Variants in PDE1A observed in about 807,000 individuals in gnomAD.
The protein encoded by PDE1A is dual specificity calcium/calmodulin-dependent 3',5'-cyclic nucleotide phosphodiesterase 1A.
Under a neutral mutation model 61.7 loss-of-function variants are expected in PDE1A, and 35 were observed. The ratio of observed to expected loss-of-function variants is 0.57; its 90% CI spans 0.43 to 0.75. PDE1A has a LOEUF of 0.75. Ranked by LOEUF, PDE1A falls within the 30% of genes least tolerant of loss-of-function variation. PDE1A has a pLI of 0.00. For missense variants in PDE1A, 597 were observed against 630.6 expected, an observed-to-expected ratio of 0.95 and a Z score of 0.57; for synonymous variants, 232 against 213.2, an observed-to-expected ratio of 1.09 and a Z score of -0.77.
At chr2:182,499,548 G>C (rs965882149) in intron 2 of PDE1A, among the ~76,000 whole-genome samples, 1 of 152,054 alleles carries the variant, frequency 6.6e-6, no homozygotes, top group Non-Finnish European at 1.5e-5. Context: ...CGAAATTCCC[G>C]AACAGCAGAA....
intron 2 of PDE1A, among the ~76,000 whole-genome samples, chr2:182,512,891 GA>G (rs1689894956): frequency 6.6e-6 from 1 of 152,060 alleles, no homozygotes; most frequent in East Asian, 1.9e-4. Flanking sequence ...AACTCAGTGA[GA>G]CAAAAATAAT....
At chr2:182,512,327 A>G (rs1689854056) in intron 2 of PDE1A, among the ~76,000 whole-genome samples, 1 of 152,170 alleles carries the variant, frequency 6.6e-6, no homozygotes, top group African/African-American at 2.4e-5. Context: ...CATGCAGCCC[A>G]GGAGTGCTGA....
At chr2:182,394,611 G>C (rs757222279) in intron 1 of PDE1A, among the ~76,000 whole-genome samples, 17 of 152,112 alleles carry the variant, frequency 1.1e-4, no homozygotes, top group Non-Finnish European at 2.1e-4. Flanking sequence ...CATCAATATT[G>C]GTCCTCCAGT....
At chr2:182,605,553 G>A in the PDE1A span, among the ~76,000 whole-genome samples, 23 of 152,174 alleles carry the variant, frequency 1.5e-4, no homozygotes, top group South Asian at 8.3e-4. Flanking sequence ...CGTGAAATAC[G>A]GGTAAGAAAT....
At chr2:182,597,499 G>A in the PDE1A span, among the ~76,000 whole-genome samples, 1 of 152,298 alleles carries the variant, frequency 6.6e-6, no homozygotes, top group African/African-American at 2.4e-5. Context: ...CCAGGACAGG[G>A]CATGAGAGCT....
intron 2 of PDE1A, among the ~76,000 whole-genome samples, chr2:182,495,447 C>A (rs1688655534): frequency 6.6e-6 from 1 of 152,186 alleles, no homozygotes; most frequent in East Asian, 1.9e-4. Context: ...TTCAGTGCTT[C>A]AGCCAGGGCT....
At chr2:182,474,131 A>C (rs1291117548) in intron 2 of PDE1A, among the ~76,000 whole-genome samples, 1 of 151,956 alleles carries the variant, frequency 6.6e-6, no homozygotes, top group Non-Finnish European at 1.5e-5. Flanking sequence ...CTTTAAATTC[A>C]ATATAAACAT....
At chr2:182,355,548 C>T (rs1699128631) in intron 1 of PDE1A, among the ~76,000 whole-genome samples, 1 of 151,964 alleles carries the variant, frequency 6.6e-6, no homozygotes, top group East Asian at 1.9e-4. Context: ...GATTTTATCT[C>T]TATATGTTTT....
the PDE1A span, among the ~76,000 whole-genome samples, chr2:182,699,319 T>C: frequency 6.6e-6 from 1 of 152,146 alleles, no homozygotes; most frequent in Non-Finnish European, 1.5e-5. Flanking sequence ...AGCTGATTGT[T>C]TGAGGTTCAC....
the PDE1A span, among the ~76,000 whole-genome samples, chr2:182,704,264 C>G: frequency 6.6e-6 from 1 of 150,728 alleles, no homozygotes; most frequent in Non-Finnish European, 1.5e-5. Flanking sequence ...GCTCCCTGTT[C>G]CTACTCATAG....
intron 1 of PDE1A, among the ~76,000 whole-genome samples, chr2:182,264,838 T>C (rs942841392): frequency 3.5e-5 from 5 of 142,096 alleles, no homozygotes; most frequent in African/African-American, 1.1e-4. Context: ...TAAGTGCCCA[T>C]TGACCAATGA....
chr2:182,465,343 T>C lies in PDE1A; in HGVS notation c.101+56933A>G, dbSNP rs184402322. 4.8e-4 allele frequency among the ~76,000 whole-genome samples: 73 copies of C among 152,214 alleles called. No homozygotes were observed. In the East Asian group the frequency reaches 5.2e-3, roughly 11 times the overall value. ...CTTTCCAAACATGCATACAAAAGAA[T>C]TGGAATTTGAGAACCTCTGCTTACT... is the stretch of plus-strand genomic sequence containing the variant. On this transcript the variant is annotated intron_variant, in intron 2 of 14. Coordinates refer to the PDE1A transcript ENST00000410103.
At chr2:182,658,066 A>AAAAAAAC in the PDE1A span, among the ~76,000 whole-genome samples, 1 of 106,362 alleles carries the variant, frequency 9.4e-6, no homozygotes, top group Non-Finnish European at 2.1e-5. Flanking sequence ...AAAAAAAAAA[A>AAAAAAAC]AAAAAACAAA....
At chr2:182,562,733 G>A in the PDE1A span, among the ~76,000 whole-genome samples, 1 of 152,014 alleles carries the variant, frequency 6.6e-6, no homozygotes, top group Non-Finnish European at 1.5e-5. Context: ...CAATTTCAGA[G>A]CCTGTTATTG....
At chr2:182,716,271 G>T in the PDE1A span, 2 of 152,414 alleles carry the variant, frequency 1.3e-5, no homozygotes, top group Non-Finnish European at 2.9e-5. Context: ...GCTCGCCGTG[G>T]AGACCGGCGC....
intron 1 of PDE1A, among the ~76,000 whole-genome samples, chr2:182,379,143 GT>G (rs921212248): frequency 4.3e-4 from 65 of 152,154 alleles, no homozygotes; most frequent in Admixed American, 1.5e-3. Flanking sequence ...AACAACTTCC[GT>G]TTTTTCAACA....
intron 13 of PDE1A, among the ~76,000 whole-genome samples, chr2:182,182,669 T>G (rs914527061): frequency 6.6e-6 from 1 of 152,072 alleles, no homozygotes; most frequent in Non-Finnish European, 1.5e-5. Context: ...ACTCATCACA[T>G]TGCCTACATT....
chr2:182,696,535 A>C, the PDE1A span, among the ~76,000 whole-genome samples: 1 of 152,188 alleles, frequency 6.6e-6, no homozygotes, highest in Admixed American at 6.5e-5. Flanking sequence ...ACTCTGTATG[A>C]CACTATAATG....
At chr2:182,654,140 T>C in the PDE1A span, among the ~76,000 whole-genome samples, 1 of 152,202 alleles carries the variant, frequency 6.6e-6, no homozygotes, top group Non-Finnish European at 1.5e-5. Flanking sequence ...TTGATAGAGA[T>C]TGAAAACTGC....
Sources: gnomAD v4.1 joint callset for allele counts (sites outside exome capture counted in the v4.1 genomes callset) on GRCh38, gnomAD v4.1.1 for gene constraint, MANE v1.5 for transcripts, NCBI Gene and HGNC (gene_info 2026-07-23, HGNC 2026-07-21) for gene names.